SYNE1: variants seen among roughly 807,000 people sequenced by gnomAD.
The protein encoded by SYNE1 is spectrin repeat containing nuclear envelope protein 1.
SYNE1 carries 616 observed loss-of-function variants against 1,111.0 expected under a neutral mutation model. The observed-to-expected ratio is 0.55, with a 90% CI of 0.52 to 0.59. The LOEUF is 0.59. Among genes scored for constraint, SYNE1 ranks in the 20% least tolerant of loss-of-function variants. The pLI, the probability that SYNE1 is intolerant of heterozygous loss-of-function variation, is 0.00. For missense variants in SYNE1, 10,006 were observed against 10,417.0 expected, an observed-to-expected ratio of 0.96 and a Z score of 1.72; for synonymous variants, 3,855 against 3,825.8, an observed-to-expected ratio of 1.01 and a Z score of -0.28.
chr6:152,238,201 C>T (rs1360964057), intron 108 of SYNE1, among the ~76,000 whole-genome samples: 1 of 152,062 alleles, frequency 6.6e-6, no homozygotes, highest in Non-Finnish European at 1.5e-5. Context: ...GGTGGGGCTA[C>T]AATTTAAATG....
At chr6:152,510,545 T>G in intron 7 of SYNE1, among the ~76,000 whole-genome samples, 174 bp from the exon 8 acceptor site, 1 of 152,188 alleles carries the variant, frequency 6.6e-6, no homozygotes, top group East Asian at 1.9e-4. Context: ...TACTTCCCAT[T>G]GCACCCCTAG....
intron 140 of SYNE1, among the ~76,000 whole-genome samples, chr6:152,138,116 C>A (rs1346677127): frequency 1.3e-5 from 2 of 152,092 alleles, no homozygotes; most frequent in Non-Finnish European, 2.9e-5. Flanking sequence ...GTACTTTGTC[C>A]TGAAATTCAT....
rs1554492224 is a variant in SYNE1, at chr6:152,339,301, A to C, written c.12291T>G (p.Cys4097Trp). ...TTTTCACCGAAGCATTTGACAGGTC[A>C]CACATGGAGCAAAGGAGATCTAGGT... Reference protein sequence around the residue: ...RTYLDLLCSMCDLSNASVKTT... With the variant: ...RTYLDLLCSMWDLSNASVKTT... Residue 4097 changes from cysteine to tryptophan, a missense_variant, in exon 75 of 146, where the codon TGT (cysteine) becomes TGG (tryptophan). Around this residue, in one of 7 missense-constraint regions of SYNE1, gnomAD observed 4,955 missense variants for 5,017.2 expected, o/e 0.99. Transcript: ENST00000367255. 6.2e-7 allele frequency: 1 copy of C among 1,613,962 alleles called. No homozygotes were observed. The highest frequency in any genetic ancestry group is 1.3e-5 in the African/African-American group (1 of 74,938).
rs201969586 is a variant in SYNE1 at position 152,330,022 on chromosome 6, T to C, written c.14663A>G (p.Asp4888Gly). 6.2e-7 allele frequency: 1 copy of C among 1,614,158 alleles called. No individual in the cohort carries two copies. The highest frequency in any genetic ancestry group is 1.1e-5 in the South Asian group (1 of 91,078). Reference protein sequence around the residue: ...ECESRMVQSIDFQTEMSRSLD... With the variant: ...ECESRMVQSIGFQTEMSRSLD... ...GGAGCGACTCATCTCAGTCTGGAAG[T>C]CTATACTCTGCACCATTCGGCTCTC... Residue 4888 changes from aspartate to glycine, a missense_variant, in exon 78 of 146, where the codon GAC becomes GGC. Asp to Gly is a moderately conservative substitution (Grantham distance 94, BLOSUM62 -1). Transcript: ENST00000367255.
At chr6:152,176,646 G>A in intron 129 of SYNE1, 86 bp from the exon 130 acceptor site, 5 of 1,315,660 alleles carry the variant, frequency 3.8e-6, no homozygotes, top group Non-Finnish European at 5.5e-6. Context: ...GATGATTACT[G>A]CTTTCTACTG....
intron 4 of SYNE1, among the ~76,000 whole-genome samples, chr6:152,536,604 A>G: frequency 6.6e-6 from 1 of 151,084 alleles, no homozygotes; most frequent in Non-Finnish European, 1.5e-5. Context: ...GCCAAATCGA[A>G]TGGGTTCACC....
At chr6:152,606,514 T>C (rs1032566560) in intron 3 of SYNE1, among the ~76,000 whole-genome samples, 2 of 152,206 alleles carry the variant, frequency 1.3e-5, no homozygotes, top group African/African-American at 4.8e-5. Context: ...TTTATATGTG[T>C]CATAGGAATA....
intron 7 of SYNE1, 66 bp from the exon 8 acceptor site, chr6:152,510,437 T>G: frequency 1.9e-6 from 3 of 1,558,084 alleles, no homozygotes; most frequent in Non-Finnish European, 2.6e-6. Context: ...CTCAGATGTT[T>G]TACTTTTCCA....
rs763094522 is a variant in SYNE1 at position 152,385,792 on chromosome 6, T to C, written c.8534A>G (p.Tyr2845Cys). 1.3e-5 allele frequency: 21 copies of C among 1,614,092 alleles called. No individual in the cohort carries two copies. The highest frequency in any genetic ancestry group is 1.5e-5 in the Non-Finnish European group (18 of 1,179,938). Residue 2845 changes from tyrosine to cysteine, a missense_variant, in exon 55 of 146, where the codon TAT (tyrosine) becomes TGT (cysteine). Around this residue, in one of 7 missense-constraint regions of SYNE1, gnomAD observed 4,955 missense variants for 5,017.2 expected, o/e 0.99. Coordinates refer to ENST00000367255, the MANE Select transcript of SYNE1 (RefSeq NM_182961.4). Reference protein sequence around the residue: ...VEEIVKDHLMYLDAVHEFTDW... With the variant: ...VEEIVKDHLMCLDAVHEFTDW... ...TGTGAACTCGTGGACCGCATCTAAATACATTAGATGATCTTTCACAATCTC... is the reference window on the plus strand; with the variant it reads ...TGTGAACTCGTGGACCGCATCTAAACACATTAGATGATCTTTCACAATCTC...
At chr6:152,356,734 C>T (rs997092962) in intron 66 of SYNE1, among the ~76,000 whole-genome samples, 9 of 152,078 alleles carry the variant, frequency 5.9e-5, no homozygotes, top group Non-Finnish European at 1.2e-4. Context: ...CTGCTTCCTG[C>T]CACTAGCATC....
Position 152,358,381 on chromosome 6 carries a change from C to A in SYNE1, c.10600G>T (p.Asp3534Tyr). Reference sequence around the variant, plus strand: ...GATAAAGGAGGCCTTACCTGAAGATCACGCAATGTTGTCTCATGAGTGTGG... The same window carrying A: ...GATAAAGGAGGCCTTACCTGAAGATAACGCAATGTTGTCTCATGAGTGTGG... The part of the protein sequence containing the change: ...DAHTHETTLR[D>Y]LQELQVHCAE... The change falls in exon 66 of 146, where the codon GAT becomes TAT. Residue 3534 changes from aspartate (D) to tyrosine (Y), a missense_variant. This residue lies in a region of SYNE1 where 4,955 missense variants were observed against 5,017.2 expected (regional missense o/e 0.99). Coordinates refer to ENST00000367255, the MANE Select transcript of SYNE1 (RefSeq NM_182961.4). 1 of 1,614,142 alleles carries A rather than the reference C, an allele frequency of 6.2e-7. No homozygotes were observed. The highest frequency in any genetic ancestry group is 2.2e-5 in the East Asian group (1 of 44,872).
rs1173906140 is a variant in SYNE1 at position 152,230,700 on chromosome 6, G to A, written c.21042C>T (p.Ile7014=). The A allele has an allele frequency of 6.2e-7, 1 of 1,613,618 alleles. No homozygotes were observed. The highest frequency in any genetic ancestry group is 8.5e-7 in the Non-Finnish European group (1 of 1,179,856). ...QILQGLVTEK[I]QLLEGLLESW... ...ATTCCAATAAGCCTTCCAACAGCTG[G>A]ATCTGAACAAACACAATAAAATGAA... Residue 7014 remains isoleucine, a splice_region_variant and synonymous_variant, in exon 115 of 146, where the codon ATC becomes ATT. Transcript: ENST00000367255.
intron 130 of SYNE1, among the ~76,000 whole-genome samples, chr6:152,169,842 G>A (rs866193280): frequency 1.3e-4 from 20 of 151,280 alleles, no homozygotes; most frequent in Non-Finnish European, 2.8e-4. Flanking sequence ...TTTTATATAA[G>A]AAATAAATTC....
rs1214908539 is a variant in SYNE1 at position 152,125,149 on chromosome 6, C to T, written c.26154-2473G>A. ...AGATTCTACAGTTAAAGGAAGAGGC[C>T]TAGCAGGGACTCAGGCTTCCAAAAT... On this transcript the variant is annotated intron_variant, in intron 145 of 145. Transcript: ENST00000367255. 1.9e-5 allele frequency: 24 copies of T among 1,234,254 alleles called. No homozygotes were observed. The East Asian group carries it at 5.9e-4, about 30-fold the overall frequency. 76.5% of individuals were successfully genotyped at this position (1,234,254 alleles called of 1,614,324 possible).
At chr6:152,381,979 C>A (rs986147799) in intron 55 of SYNE1, among the ~76,000 whole-genome samples, 1 of 152,186 alleles carries the variant, frequency 6.6e-6, no homozygotes, top group Admixed American at 6.5e-5. Flanking sequence ...AGACTGAGTA[C>A]ATTTATTAGT....
At chr6:152,344,656 T>A (rs9479301) in intron 73 of SYNE1, among the ~76,000 whole-genome samples, 85,386 of 152,014 alleles carry the variant, frequency 0.56, 24,420 homozygotes, top group East Asian at 0.64. Flanking sequence ...AGATAACCAA[T>A]GTTTCTCTAA....
chr6:152,234,785 A>C lies in SYNE1; in HGVS notation c.20412T>G (p.Ser6804=). 1 of 1,614,230 alleles carries C rather than the reference A, an allele frequency of 6.2e-7. No homozygotes were observed. The highest frequency in any genetic ancestry group is 8.5e-7 in the Non-Finnish European group (1 of 1,180,034). The part of the protein sequence containing the change: ...LKHWTRYQSE[S]ADLIHWLQSA... Reference sequence around the variant, plus strand: ...ATTGTAACCAGTGAATTAGATCTGCAGATTCACTTTGATATCTGTTAAGTA... The same window carrying C: ...ATTGTAACCAGTGAATTAGATCTGCCGATTCACTTTGATATCTGTTAAGTA... Residue 6804 remains serine (S), a synonymous_variant, in exon 111 of 146, where the codon TCT becomes TCG. Transcript: ENST00000367255.
At chr6:152,230,746 A>G (rs1318939107) in intron 114 of SYNE1, 44 bp from the exon 115 acceptor site, 1 of 1,594,644 alleles carries the variant, frequency 6.3e-7, no homozygotes, top group Non-Finnish European at 8.6e-7. Flanking sequence ...TTATTTTAAT[A>G]AAATCAAATC....
chr6:152,606,218 G>A lies in SYNE1; in HGVS notation c.67+22047C>T, dbSNP rs528921656. 2.6e-5 allele frequency among the ~76,000 whole-genome samples: 4 copies of A among 152,226 alleles called. No individual in the cohort carries two copies. The East Asian group carries it at 7.8e-4, about 30-fold the overall frequency. On this transcript the variant is annotated intron_variant, in intron 3 of 145. Transcript: ENST00000367255. ...TGGCCTAGTTCCTAAAACCTGGCAT[G>A]AGGATTAAAGTGATGAAGGGCCAGG...
Sources: allele counts gnomAD v4.1 joint callset (sites outside exome capture counted in the v4.1 genomes callset), GRCh38; gene constraint gnomAD v4.1.1; regional missense constraint gnomAD v4.1.1; transcripts MANE v1.5; gene names NCBI Gene and HGNC (gene_info 2026-07-23, HGNC 2026-07-21).